Variants in DNAH3 observed in about 807,000 individuals in gnomAD.
The protein encoded by DNAH3 is dynein axonemal heavy chain 3.
A neutral mutation model predicts 432.5 loss-of-function variants in DNAH3; 332 were observed. That is an observed-to-expected ratio of 0.77 (90% CI 0.70 to 0.84). The LOEUF is 0.84. Ranked by LOEUF, DNAH3 falls within the 40% of genes least tolerant of loss-of-function variation. DNAH3 has a pLI of 0.00. For missense variants in DNAH3, 4,861 were observed against 5,114.0 expected, an observed-to-expected ratio of 0.95 and a Z score of 1.51; for synonymous variants, 1,956 against 1,900.2, an observed-to-expected ratio of 1.03 and a Z score of -0.76.
intron 55 of DNAH3, among the ~76,000 whole-genome samples, chr16:20,954,558 G>C (rs1258666914): frequency 1.3e-5 from 2 of 151,938 alleles, no homozygotes; most frequent in Non-Finnish European, 2.9e-5. Context: ...CCTAAGTGCT[G>C]GGATTAAAGG....
chr16:21,060,495 G>A (rs1454546129), intron 25 of DNAH3, 139 bp from the exon 26 acceptor site: 2 of 522,926 alleles, frequency 3.8e-6, no homozygotes, highest in Non-Finnish European at 6.7e-6. Flanking sequence ...AATATTCTCT[G>A]TCTCCCCGTT....
chr16:21,006,978 G>A (rs2087337621), intron 41 of DNAH3, among the ~76,000 whole-genome samples: 1 of 152,094 alleles, frequency 6.6e-6, no homozygotes, highest in Non-Finnish European at 1.5e-5. Context: ...TAACTTTGGA[G>A]GAAGTGTCAC....
At chr16:21,008,231 A>T (rs1233240981) in intron 41 of DNAH3, among the ~76,000 whole-genome samples, 1 of 151,962 alleles carries the variant, frequency 6.6e-6, no homozygotes. Context: ...TGTGTGCATG[A>T]TTGCCTTACC....
chr16:21,049,018 C>A (rs2089842341), intron 31 of DNAH3, among the ~76,000 whole-genome samples: 1 of 148,426 alleles, frequency 6.7e-6, no homozygotes, highest in Non-Finnish European at 1.5e-5. Context: ...TTTTAAGAGA[C>A]AAAGTCTCAC....
At chr16:21,023,786 G>GTGTGTGTGTGTGTGTGTGTGTGTGT (rs1567654144) in intron 39 of DNAH3, among the ~76,000 whole-genome samples, 18 of 146,484 alleles carry the variant, frequency 1.2e-4, no homozygotes, top group African/African-American at 4.3e-4. Flanking sequence ...CAGCTTTTGG[G>GTGTGTGTGTGTGTGTGTGTGTGTGT]GTGTGTGTGT....
At chr16:21,045,686 CT>C (rs1165214479) in intron 31 of DNAH3, among the ~76,000 whole-genome samples, 2 of 150,044 alleles carry the variant, frequency 1.3e-5, no homozygotes, top group Non-Finnish European at 3.0e-5. Flanking sequence ...CAGTTCTGCT[CT>C]GATTTTAGTT....
intron 35 of DNAH3, among the ~76,000 whole-genome samples, chr16:21,035,777 A>G (rs1228075633): frequency 6.6e-6 from 1 of 152,226 alleles, no homozygotes; most frequent in Non-Finnish European, 1.5e-5. Context: ...GTCAAAAATT[A>G]GCTCACTTGC....
chr16:21,066,471 G>A (rs1228876346), intron 24 of DNAH3, among the ~76,000 whole-genome samples: 4 of 151,960 alleles, frequency 2.6e-5, no homozygotes, highest in East Asian at 1.9e-4. Context: ...AGGCTCAAGC[G>A]ATCCTCCTAC....
chr16:21,122,158 A>C (rs1330164499), intron 9 of DNAH3, 34 bp from the exon 11 acceptor site: 2 of 1,562,274 alleles, frequency 1.3e-6, no homozygotes, highest in Non-Finnish European at 1.7e-6. Context: ...AAGCGTTACA[A>C]AATTGGGCCT....
intron 18 of DNAH3, among the ~76,000 whole-genome samples, chr16:21,087,299 T>C (rs1007810388): frequency 6.6e-6 from 1 of 152,178 alleles, no homozygotes; most frequent in African/African-American, 2.4e-5. Flanking sequence ...TGGAAGGTGA[T>C]TGTGGAAATT....
intron 21 of DNAH3, among the ~76,000 whole-genome samples, chr16:21,071,437 G>C (rs2090778683): frequency 6.6e-6 from 1 of 151,898 alleles, no homozygotes; most frequent in Non-Finnish European, 1.5e-5. Flanking sequence ...GCCTCCCAAA[G>C]TGTTGGGATT....
At chr16:21,024,615 G>T (rs2088442053) in exon 39 of DNAH3, 1 of 1,611,684 alleles carries the variant, frequency 6.2e-7, no homozygotes, top group Non-Finnish European at 8.5e-7. Context: ...GTGCTCCTTG[G>T]TGAGACTGGA....
exon 26 of DNAH3, chr16:21,060,284 C>T (rs780456095): frequency 1.2e-6 from 2 of 1,614,058 alleles, no homozygotes; most frequent in Non-Finnish European, 8.5e-7. Flanking sequence ...GCTTCAATCC[C>T]AAGTCCAATG....
intron 12 of DNAH3, among the ~76,000 whole-genome samples, chr16:21,115,638 T>C (rs1056330898): frequency 2.0e-5 from 3 of 151,606 alleles, no homozygotes; most frequent in Admixed American, 2.0e-4. Context: ...ACCCAGGAGA[T>C]GGAGGTTGCA....
At chr16:21,031,082 A>T in exon 37 of DNAH3, 1 of 1,614,120 alleles carries the variant, frequency 6.2e-7, no homozygotes, top group Non-Finnish European at 8.5e-7. Context: ...CATATTTTCA[A>T]TCCAAATAGC....
intron 18 of DNAH3, among the ~76,000 whole-genome samples, chr16:21,094,907 G>T (rs1040251667): frequency 5.9e-5 from 9 of 152,092 alleles, no homozygotes; most frequent in Non-Finnish European, 1.2e-4. Context: ...ATGCTCTCTT[G>T]CCTGCCGCCA....
At chr16:20,985,779 T>A in intron 47 of DNAH3, 64 bp from the exon 48 acceptor site, 1 of 1,529,576 alleles carries the variant, frequency 6.5e-7, no homozygotes, top group Non-Finnish European at 8.9e-7. Flanking sequence ...GGTAGGGACA[T>A]CATGGAGGGA....
At chr16:21,151,256 G>T (rs2092849835) in intron 1 of DNAH3, among the ~76,000 whole-genome samples, 1 of 151,946 alleles carries the variant, frequency 6.6e-6, no homozygotes, top group African/African-American at 2.4e-5. Flanking sequence ...GGGTTAACGG[G>T]ATAACGTGTA....
exon 26 of DNAH3, chr16:21,060,329 C>T (rs774056419): frequency 1.2e-6 from 2 of 1,613,816 alleles, no homozygotes; most frequent in Admixed American, 1.7e-5. Context: ...ATCTGCTCCA[C>T]CTGCTGGAGC....
Sources: allele counts gnomAD v4.1 joint callset (sites outside exome capture counted in the v4.1 genomes callset), GRCh38; gene constraint gnomAD v4.1.1; transcripts MANE v1.5; gene names NCBI Gene and HGNC (gene_info 2026-07-23, HGNC 2026-07-21).